CSNK1G1: variants seen among roughly 807,000 people sequenced by gnomAD.
CSNK1G1 encodes casein kinase I isoform gamma-1.
Under a neutral mutation model 59.6 loss-of-function variants are expected in CSNK1G1, and 22 were observed. That is an observed-to-expected ratio of 0.37 (90% CI 0.26 to 0.53). CSNK1G1 has a LOEUF of 0.53. CSNK1G1 is among the 20% of genes least tolerant of loss of function. The pLI is 0.89. For missense variants in CSNK1G1, 384 were observed against 519.5 expected (o/e 0.74, Z 2.54); for synonymous variants, 179 against 177.1 (o/e 1.01, Z -0.08).
At chr15:64,195,813 A>C (rs1220154436) in intron 10 of CSNK1G1, among the ~76,000 whole-genome samples, 1 of 152,242 alleles carries the variant, frequency 6.6e-6, no homozygotes, top group Non-Finnish European at 1.5e-5. Flanking sequence ...ACGAAGTATA[A>C]AATGATGGAA....
intron 4 of CSNK1G1, among the ~76,000 whole-genome samples, chr15:64,230,211 A>G (rs1312160090): frequency 6.6e-6 from 1 of 151,986 alleles, no homozygotes; most frequent in East Asian, 1.9e-4. Context: ...CGGTAAACAT[A>G]TCTTGAATGT....
chr15:64,308,065 C>T (rs1053281096), intron 1 of CSNK1G1, among the ~76,000 whole-genome samples: 1 of 152,200 alleles, frequency 6.6e-6, no homozygotes, highest in Middle Eastern at 3.4e-3. Context: ...AAACACTGTC[C>T]ACTTAATCTA....
chr15:64,277,536 ATTG>A (rs1212803125), intron 2 of CSNK1G1, among the ~76,000 whole-genome samples: 6 of 146,102 alleles, frequency 4.1e-5, no homozygotes, highest in South Asian at 4.2e-4. Context: ...AAGTTTTCAT[ATTG>A]TTATTAATAT....
chr15:64,267,648 A>T (rs891368860), intron 2 of CSNK1G1, among the ~76,000 whole-genome samples: 3 of 152,250 alleles, frequency 2.0e-5, no homozygotes, highest in Non-Finnish European at 4.4e-5. Context: ...ATTATCAAAA[A>T]AACAAATGCT....
chr15:64,258,745 T>C (rs1892531277), intron 3 of CSNK1G1, among the ~76,000 whole-genome samples: 1 of 152,208 alleles, frequency 6.6e-6, no homozygotes, highest in Non-Finnish European at 1.5e-5. Context: ...ACTTCTTTGC[T>C]TCTAATATGA....
intron 1 of CSNK1G1, among the ~76,000 whole-genome samples, chr15:64,310,416 TA>T (rs879455459): frequency 4.2e-4 from 61 of 144,554 alleles, no homozygotes; most frequent in East Asian, 8.1e-4. Flanking sequence ...AATAACTGTT[TA>T]AAAAAAAAAA....
intron 4 of CSNK1G1, among the ~76,000 whole-genome samples, chr15:64,241,458 G>T (rs2082692891): frequency 6.6e-6 from 1 of 152,152 alleles, no homozygotes; most frequent in South Asian, 2.1e-4. Flanking sequence ...AGACCAAATA[G>T]ACCTAACAGA....
Position 64,265,826 on chromosome 15 carries a change from C to T in CSNK1G1, c.182-6585G>A, listed in dbSNP as rs78538997. ...CAGTCACAGTGGCTTATGCCTATTA[C>T]TGCCAGCACTTTAGCAGGAGGCCAA... On this transcript the variant is annotated intron_variant, in intron 2 of 11. Transcript: ENST00000303052. 3.4e-3 allele frequency: 1,554 copies of T among 456,510 alleles called. 22 individuals carry two copies. Among genetic ancestry groups the T allele is most frequent in the African/African-American group, 0.029 (1,440 of 50,146 alleles). The allele number at this position is 456,510 out of a possible 1,614,324, so 28.3% of individuals were successfully genotyped here.
At chr15:64,259,318 G>A in intron 2 of CSNK1G1, 77 bp from the exon 3 acceptor site, 1 of 1,024,012 alleles carries the variant, frequency 9.8e-7, no homozygotes. Context: ...AGCTTACAGG[G>A]TCATGAGAAA....
chr15:64,278,045 TA>T (rs1306296957), intron 2 of CSNK1G1, among the ~76,000 whole-genome samples: 1 of 148,828 alleles, frequency 6.7e-6, no homozygotes, highest in African/African-American at 2.4e-5. Flanking sequence ...TATTATCTAT[TA>T]AAATATATAT....
chr15:64,314,156 A>C (rs1047967226), intron 1 of CSNK1G1, among the ~76,000 whole-genome samples: 10 of 152,108 alleles, frequency 6.6e-5, no homozygotes, highest in African/African-American at 1.9e-4. Context: ...CCCAGGCTGG[A>C]GTGTAGTGCC....
intron 4 of CSNK1G1, among the ~76,000 whole-genome samples, chr15:64,241,836 TAGA>T (rs75594644): frequency 0.12 from 17,668 of 146,070 alleles, 1,613 homozygotes; most frequent in African/African-American, 0.27. Flanking sequence ...CTAAATTCAG[TAGA>T]AGGAGAGAAA....
chr15:64,196,417 C>G (rs1342330144), intron 10 of CSNK1G1, among the ~76,000 whole-genome samples: 2 of 151,244 alleles, frequency 1.3e-5, no homozygotes, highest in African/African-American at 4.9e-5. Context: ...AAATAGGATT[C>G]TTGTTGTGAT....
intron 11 of CSNK1G1, among the ~76,000 whole-genome samples, chr15:64,173,645 C>G (rs548614407): frequency 9.2e-6 from 1 of 108,596 alleles, no homozygotes; most frequent in African/African-American, 3.8e-5. Context: ...TTTTTTGAGA[C>G]TGAGTCTCAC....
At chr15:64,263,970 CA>C (rs1892845626) in intron 2 of CSNK1G1, among the ~76,000 whole-genome samples, 1 of 151,830 alleles carries the variant, frequency 6.6e-6, no homozygotes, top group Non-Finnish European at 1.5e-5. Flanking sequence ...TTCCAGAGGA[CA>C]GTAACGTTTA....
At chr15:64,247,705 G>T (rs1034861929) in intron 4 of CSNK1G1, among the ~76,000 whole-genome samples, 2 of 152,142 alleles carry the variant, frequency 1.3e-5, no homozygotes, top group Non-Finnish European at 2.9e-5. Context: ...TGAATTTCTA[G>T]ATCAGGTCAT....
rs578195582 is a variant in CSNK1G1, at chr15:64,219,195, T to C, written c.293-2482A>G. 1.3e-3 allele frequency among the ~76,000 whole-genome samples: 194 copies of C among 152,174 alleles called. 2 individuals are homozygous for C. The highest frequency in any genetic ancestry group is 8.9e-3 in the South Asian group (43 of 4,820). ...TTCCCGGTTGTTTTGAAGAAGTCAT[T>C]TTTCAGCTTTTTAAAAATATATAAA... is the stretch of plus-strand genomic sequence containing the variant. On this transcript the variant is annotated intron_variant, in intron 4 of 11. Coordinates refer to ENST00000303052, the MANE Select transcript of CSNK1G1 (RefSeq NM_022048.5).
intron 2 of CSNK1G1, among the ~76,000 whole-genome samples, chr15:64,264,887 C>T (rs542704689): frequency 6.6e-6 from 1 of 152,212 alleles, no homozygotes; most frequent in African/African-American, 2.4e-5. Context: ...ATAATAAAGG[C>T]CATATATGAC....
intron 3 of CSNK1G1, among the ~76,000 whole-genome samples, chr15:64,254,051 A>C (rs1892235160): frequency 6.6e-6 from 1 of 152,076 alleles, no homozygotes; most frequent in South Asian, 2.1e-4. Flanking sequence ...GAGGCAGGAG[A>C]ATTGCTTGAA....
Sources: gnomAD v4.1 joint callset for allele counts (sites outside exome capture counted in the v4.1 genomes callset) on GRCh38, gnomAD v4.1.1 for gene constraint, MANE v1.5 for transcripts, NCBI Gene and HGNC (gene_info 2026-07-23, HGNC 2026-07-21) for gene names.